Variants in SIRPG observed in about 807,000 individuals in gnomAD.
SIRPG encodes the protein signal-regulatory protein gamma.
In SIRPG, 38 loss-of-function variants were observed where a neutral mutation model predicts 35.7. That is an observed-to-expected ratio of 1.06 (90% CI 0.82 to 1.40). The LOEUF (loss-of-function observed/expected upper bound fraction) is 1.40, where lower values mean the gene tolerates loss of function less well. Among genes scored for constraint, SIRPG ranks in the 40% most tolerant of loss-of-function variants. The probability of loss-of-function intolerance (pLI) is 0.00; values close to 1 mark genes in which losing one functional copy is unlikely to be tolerated. For missense variants in SIRPG, 519 were observed against 483.0 expected, an observed-to-expected ratio of 1.07 and a Z score of -0.70; for synonymous variants, 215 against 190.4, an observed-to-expected ratio of 1.13 and a Z score of -1.06.
Position 1,657,624 on chromosome 20 carries a change from G to A in SIRPG, c.73+18C>T, listed in dbSNP as rs2091983112. ...CAGGAAGCAGGGAGAAAGGGTTCTA[G>A]CCCAATGCAATGCTCACCTGTAAGT... On this transcript the variant is annotated intron_variant, in intron 1 of 5. Transcript: ENST00000303415. 1 of 1,613,196 alleles carries A rather than the reference G, an allele frequency of 6.2e-7. No individual in the cohort carries two copies. The highest frequency in any genetic ancestry group is 1.7e-5 in the Admixed American group (1 of 59,996).
chr20:1,643,538 T>A (rs1600212271), intron 2 of SIRPG, among the ~76,000 whole-genome samples: 1 of 152,312 alleles, frequency 6.6e-6, no homozygotes, highest in African/African-American at 2.4e-5. Flanking sequence ...TCAGCGGACT[T>A]TGTTATTACT....
Position 1,636,482 on chromosome 20 carries a change from A to G in SIRPG, c.454T>C (p.Leu152=). 1 of 1,614,210 alleles carries G rather than the reference A, an allele frequency of 6.2e-7. No individual in the cohort carries two copies. The highest frequency in any genetic ancestry group is 8.5e-7 in the Non-Finnish European group (1 of 1,180,018). ...LGAKPSAPVV[L]GPAARTTPEH... ...GGTGTGGTCCTCGCCGCAGGGCCCA[A>G]TACCACGGGGGCAGAGGGTTTGGCT... The change falls in exon 3 of 6, where the codon TTG becomes CTG. Residue 152 remains leucine (L), a synonymous_variant. Coordinates refer to ENST00000303415, the MANE Select transcript of SIRPG (RefSeq NM_018556.4).
upstream of SIRPG, among the ~76,000 whole-genome samples, chr20:1,657,942 T>G (rs147768582): frequency 2.7e-3 from 405 of 152,338 alleles, 8 homozygotes; most frequent in East Asian, 3.9e-3. Context: ...TCAGACAGGG[T>G]TAGCAGAAAT....
At chr20:1,670,296 A>T in the SIRPG span, 1 of 206,070 alleles carries the variant, frequency 4.9e-6, no homozygotes, top group African/African-American at 2.3e-5. Flanking sequence ...GATCACAGGG[A>T]GGGCTCCATA....
At chr20:1,640,062 C>T in intron 2 of SIRPG, among the ~76,000 whole-genome samples, 1 of 152,032 alleles carries the variant, frequency 6.6e-6, no homozygotes. Context: ...CGTGATGCCT[C>T]CAATTTTGTT....
At chr20:1,652,174 C>A (rs1157547279) in intron 1 of SIRPG, among the ~76,000 whole-genome samples, 2 of 152,180 alleles carry the variant, frequency 1.3e-5, no homozygotes, top group African/African-American at 4.8e-5. Flanking sequence ...AAAAAAGCCC[C>A]TCTCTGCCTT....
Position 1,629,232 on chromosome 20 carries a change from G to C in SIRPG, c.*407C>G, listed in dbSNP as rs1044413461. On this transcript the variant is annotated 3_prime_UTR_variant, in exon 6 of 6. Transcript: ENST00000303415. ...AGAGGCAATAGAGAACCTCAACAAG[G>C]CTGGGGAGTTGGGATAGGCAGGAAT... The C allele has an allele frequency of 6.6e-6, 1 of 152,300 alleles. No individual in the cohort carries two copies. Among genetic ancestry groups the C allele is most frequent in the African/African-American group, 2.4e-5 (1 of 41,446 alleles). The allele number at this position is 152,300 out of a possible 1,614,324, so 9.4% of individuals were successfully genotyped here. A position where few individuals can be genotyped will look rare whatever the true frequency, so the allele number is the denominator to read the frequency against.
upstream of SIRPG, among the ~76,000 whole-genome samples, chr20:1,658,750 G>A (rs1319543177): frequency 6.6e-6 from 1 of 152,188 alleles, no homozygotes; most frequent in African/African-American, 2.4e-5. Flanking sequence ...GGTGCCAGGT[G>A]AAGTGCGGGA....
Position 1,635,477 on chromosome 20 carries a change from C to A in SIRPG, c.871G>T (p.Val291Leu), listed in dbSNP as rs141069067. The A allele has an allele frequency of 6.7e-5, 108 of 1,614,166 alleles. No individual in the cohort carries two copies. The highest frequency in any genetic ancestry group is 6.7e-5 in the East Asian group (3 of 44,888). ...LQLTWSENGNVCQRETASTLT... is the reference protein window; with the variant it reads ...LQLTWSENGNLCQRETASTLT... ...GTCGAGGCTGTTTCTCTCTGGCACA[C>A]GTTTCCATTCTCCGACCAGGTCAGC... is the stretch of plus-strand genomic sequence containing the variant. The change falls in exon 4 of 6, where the codon GTG (valine) becomes TTG (leucine). Residue 291 changes from valine (V) to leucine (L), a missense_variant. Val to Leu is a conservative substitution (Grantham distance 32, BLOSUM62 1). Transcript: ENST00000303415.
intron 4 of SIRPG, among the ~76,000 whole-genome samples, chr20:1,632,629 A>G (rs1254746819): frequency 2.0e-5 from 3 of 152,242 alleles, no homozygotes; most frequent in East Asian, 3.9e-4. Flanking sequence ...TATGAACCCT[A>G]GAAACATCAC....
At chr20:1,654,279 C>T (rs2091961847) in intron 1 of SIRPG, among the ~76,000 whole-genome samples, 1 of 151,662 alleles carries the variant, frequency 6.6e-6, no homozygotes, top group Non-Finnish European at 1.5e-5. Context: ...CACCACACTG[C>T]CTAATTTCAA....
At chr20:1,642,872 T>G (rs777892599) in intron 2 of SIRPG, among the ~76,000 whole-genome samples, 1 of 152,226 alleles carries the variant, frequency 6.6e-6, no homozygotes, top group African/African-American at 2.4e-5. Flanking sequence ...AAAATTCTTT[T>G]GTTTAAGAAT....
chr20:1,684,719 T>C, the SIRPG span, among the ~76,000 whole-genome samples: 81,554 of 151,988 alleles, frequency 0.54, 22,098 homozygotes, highest in Admixed American at 0.59. Context: ...AACTCTGGAG[T>C]TGGTCCACCT....
chr20:1,668,247 C>CTTTCTTT, the SIRPG span, among the ~76,000 whole-genome samples: 2 of 55,460 alleles, frequency 3.6e-5, no homozygotes, highest in Admixed American at 1.9e-4. Context: ...TTCTTTCTTT[C>CTTTCTTT]TTTTTCTTTT....
chr20:1,652,109 G>C (rs2091943507), intron 1 of SIRPG, among the ~76,000 whole-genome samples: 1 of 152,124 alleles, frequency 6.6e-6, no homozygotes, highest in South Asian at 2.1e-4. Flanking sequence ...GACCACTCCT[G>C]ATGGTCATAA....
chr20:1,665,305 G>A, the SIRPG span: 1 of 167,764 alleles, frequency 6.0e-6, no homozygotes, highest in Non-Finnish European at 1.3e-5. Flanking sequence ...TTCAGTGGAT[G>A]TTAGATGGCA....
the SIRPG span, among the ~76,000 whole-genome samples, chr20:1,662,806 T>C: frequency 6.6e-6 from 1 of 152,234 alleles, no homozygotes; most frequent in Non-Finnish European, 1.5e-5. Flanking sequence ...GGTAATATAA[T>C]ACAGTGCTGA....
chr20:1,673,109 G>T, the SIRPG span, among the ~76,000 whole-genome samples: 4 of 152,096 alleles, frequency 2.6e-5, no homozygotes, highest in Non-Finnish European at 1.5e-5. Context: ...ACACATATTT[G>T]CCTTTGTACA....
chr20:1,668,543 A>G, the SIRPG span, among the ~76,000 whole-genome samples: 2 of 152,122 alleles, frequency 1.3e-5, no homozygotes, highest in African/African-American at 4.8e-5. Flanking sequence ...CGGTCTCCCA[A>G]AGTGTTGGGA....
Sources: allele counts gnomAD v4.1 joint callset (sites outside exome capture counted in the v4.1 genomes callset), GRCh38; gene constraint gnomAD v4.1.1; transcripts MANE v1.5; gene names NCBI Gene and HGNC (gene_info 2026-07-23, HGNC 2026-07-21).